The following PCDH15 variants were observed in gnomAD, a reference collection of about 807,000 sequenced individuals.
PCDH15 encodes protocadherin related 15.
In PCDH15, 129 loss-of-function variants were observed where a neutral mutation model predicts 178.5. The observed-to-expected ratio is 0.72, with a 90% CI of 0.63 to 0.84. The LOEUF (loss-of-function observed/expected upper bound fraction) is 0.84, where lower values mean the gene tolerates loss of function less well. PCDH15 is among the 40% of genes least tolerant of loss of function. The probability of loss-of-function intolerance (pLI) is 0.00; values close to 1 mark genes in which losing one functional copy is unlikely to be tolerated. For missense variants in PCDH15, 2,230 were observed against 2,099.9 expected (o/e 1.06, Z -1.21); for synonymous variants, 800 against 732.0 (o/e 1.09, Z -1.50).
intron 2 of PCDH15, among the ~76,000 whole-genome samples, chr10:55,068,311 C>T (rs1841620486): frequency 6.6e-6 from 1 of 152,022 alleles, no homozygotes; most frequent in Admixed American, 6.6e-5. Flanking sequence ...TTTTATTCTT[C>T]TGCATGTAGT....
At chr10:54,091,842 G>A (rs2094605274) in intron 15 of PCDH15, among the ~76,000 whole-genome samples, 1 of 151,982 alleles carries the variant, frequency 6.6e-6, no homozygotes, top group Admixed American at 6.6e-5. Context: ...CCAAAGGTTG[G>A]TCCTTGAACT....
chr10:55,533,758 G>C (rs1030583877), intron 2 of PCDH15, among the ~76,000 whole-genome samples: 4 of 151,748 alleles, frequency 2.6e-5, no homozygotes, highest in African/African-American at 4.8e-5. Flanking sequence ...CAAAAAAAAA[G>C]AGCATGAATA....
chr10:54,518,031 A>G (rs2082411359), intron 3 of PCDH15, among the ~76,000 whole-genome samples: 1 of 152,222 alleles, frequency 6.6e-6, no homozygotes, highest in African/African-American at 2.4e-5. Context: ...AAGACGCAAT[A>G]TACCAGAATC....
chr10:54,182,506 A>AGTGTGTGTGTGTGTGTGTGT (rs71007813), intron 13 of PCDH15, among the ~76,000 whole-genome samples: 7 of 147,972 alleles, frequency 4.7e-5, no homozygotes, highest in African/African-American at 1.7e-4. Flanking sequence ...AGAGAAAAAA[A>AGTGTGTGTGTGTGTGTGTGT]GTGTGTGTGT....
chr10:54,088,823 T>C (rs1337620950), intron 16 of PCDH15, among the ~76,000 whole-genome samples: 1 of 152,180 alleles, frequency 6.6e-6, no homozygotes, highest in Non-Finnish European at 1.5e-5. Context: ...TGACCCCTTT[T>C]TGAAAATCAA....
intron 26 of PCDH15, among the ~76,000 whole-genome samples, chr10:53,888,302 ATATATATG>A (rs1331829979): frequency 4.2e-5 from 3 of 71,436 alleles, no homozygotes; most frequent in Non-Finnish European, 7.4e-5. Context: ...ATATATATAT[ATATATATG>A]TATATATGTA....
At chr10:54,904,978 G>A (rs1460388690) in intron 2 of PCDH15, among the ~76,000 whole-genome samples, 3 of 151,526 alleles carry the variant, frequency 2.0e-5, no homozygotes, top group Admixed American at 1.3e-4. Flanking sequence ...TATGTATCAG[G>A]CATTCTCTAT....
At chr10:54,018,905 C>A (rs1186207855) in intron 20 of PCDH15, among the ~76,000 whole-genome samples, 1 of 151,944 alleles carries the variant, frequency 6.6e-6, no homozygotes, top group Non-Finnish European at 1.5e-5. Flanking sequence ...AACATAGATA[C>A]AACTGTGAAT....
intron 2 of PCDH15, among the ~76,000 whole-genome samples, chr10:55,600,910 C>T (rs772234948): frequency 4.6e-5 from 7 of 151,872 alleles, no homozygotes; most frequent in Admixed American, 2.6e-4. Flanking sequence ...TTTTTGGCTC[C>T]ATCCTACAGA....
chr10:55,446,476 A>T lies in PCDH15; in HGVS notation c.-156+181149T>A, dbSNP rs181647843. Among the ~76,000 whole-genome samples the T allele has an allele frequency of 2.2e-3, 330 of 152,164 alleles. 1 individual carries two copies. The highest frequency in any genetic ancestry group is 2.9e-3 in the Non-Finnish European group (200 of 67,964). On this transcript the variant is annotated intron_variant, in intron 2 of 5. Transcript: ENST00000613346. Reference sequence around the variant, plus strand: ...AAGGTTAGAAGAGAAAGTCAAAGTGAATCTCCCAAACTGTGGTATCATAAA... The same window carrying T: ...AAGGTTAGAAGAGAAAGTCAAAGTGTATCTCCCAAACTGTGGTATCATAAA...
At chr10:54,117,127 T>C (rs1186762552) in intron 15 of PCDH15, among the ~76,000 whole-genome samples, 1 of 152,138 alleles carries the variant, frequency 6.6e-6, no homozygotes, top group Non-Finnish European at 1.5e-5. Context: ...CGGTTTGTGC[T>C]ACTGGCCCAG....
intron 3 of PCDH15, among the ~76,000 whole-genome samples, chr10:54,421,671 C>CT (rs1955347770): frequency 9.1e-6 from 1 of 109,954 alleles, no homozygotes; most frequent in Admixed American, 9.4e-5. Context: ...TGTATATATA[C>CT]ATATATATAT....
intron 1 of PCDH15, among the ~76,000 whole-genome samples, chr10:54,712,221 G>C (rs373042546): frequency 2.6e-5 from 4 of 151,706 alleles, no homozygotes; most frequent in Non-Finnish European, 2.9e-5. Flanking sequence ...ATTGTCAGTA[G>C]AAAAATGAAT....
At chr10:55,568,878 T>C (rs1008614439) in intron 2 of PCDH15, among the ~76,000 whole-genome samples, 1 of 152,030 alleles carries the variant, frequency 6.6e-6, no homozygotes, top group Non-Finnish European at 1.5e-5. Context: ...CCTCGCTGCA[T>C]CTGTCACTGC....
intron 2 of PCDH15, among the ~76,000 whole-genome samples, chr10:55,407,129 G>C (rs935527572): frequency 6.6e-6 from 1 of 152,022 alleles, no homozygotes. Flanking sequence ...GAGTGTTGAG[G>C]AACTGAAGAT....
At chr10:54,779,452 T>A (rs7920737) in intron 1 of PCDH15, among the ~76,000 whole-genome samples, 108,912 of 110,844 alleles carry the variant, frequency 0.98, 53,549 homozygotes, top group Admixed American at 0.99. Context: ...ATATATACAC[T>A]CATATATGTG....
At chr10:55,553,360 T>C (rs1237657152) in intron 2 of PCDH15, among the ~76,000 whole-genome samples, 1 of 151,852 alleles carries the variant, frequency 6.6e-6, no homozygotes, top group Non-Finnish European at 1.5e-5. Context: ...TCATTAAACA[T>C]AAACTTTCTA....
At chr10:54,251,974 G>GC (rs2056516068) in intron 8 of PCDH15, among the ~76,000 whole-genome samples, 5 of 151,546 alleles carry the variant, frequency 3.3e-5, no homozygotes, top group African/African-American at 1.2e-4. Context: ...GCTCCCCCCT[G>GC]CCTTTTTATC....
intron 3 of PCDH15, among the ~76,000 whole-genome samples, chr10:54,456,542 G>T (rs985734504): frequency 6.6e-6 from 1 of 152,188 alleles, no homozygotes; most frequent in African/African-American, 2.4e-5. Flanking sequence ...GTAGGCAGAA[G>T]AAACTTGCCT....
Sources: allele counts gnomAD v4.1 joint callset (sites outside exome capture counted in the v4.1 genomes callset), GRCh38; gene constraint gnomAD v4.1.1; transcripts MANE v1.5; gene names NCBI Gene and HGNC (gene_info 2026-07-23, HGNC 2026-07-21).